IMMP2L: variants seen among roughly 807,000 people sequenced by gnomAD.
IMMP2L encodes the protein mitochondrial inner membrane protease subunit 2.
Under a neutral mutation model 19.3 loss-of-function variants are expected in IMMP2L, and 18 were observed. The ratio of observed to expected loss-of-function variants is 0.93; its 90% CI spans 0.64 to 1.38. The LOEUF is 1.38. Among genes scored for constraint, IMMP2L ranks in the 40% most tolerant of loss-of-function variants. The probability of loss-of-function intolerance (pLI) is 0.00; values close to 1 mark genes in which losing one functional copy is unlikely to be tolerated. For missense variants in IMMP2L, 233 were observed against 218.2 expected (o/e 1.07, Z -0.43); for synonymous variants, 76 against 73.0 (o/e 1.04, Z -0.21).
At chr7:110,929,674 A>G (rs533587710) in intron 4 of IMMP2L, among the ~76,000 whole-genome samples, 40 of 152,172 alleles carry the variant, frequency 2.6e-4, no homozygotes, top group Non-Finnish European at 5.6e-4. Context: ...TCAACAAGGT[A>G]CTCAACATCT....
chr7:111,452,094 T>G (rs1331888400), intron 3 of IMMP2L, among the ~76,000 whole-genome samples: 2 of 152,026 alleles, frequency 1.3e-5, no homozygotes, highest in African/African-American at 4.8e-5. Flanking sequence ...ACTTTAGACT[T>G]ATGTTTTTCT....
chr7:110,740,874 G>T (rs533503099), intron 5 of IMMP2L, among the ~76,000 whole-genome samples: 19 of 151,222 alleles, frequency 1.3e-4, no homozygotes, highest in South Asian at 8.3e-4. Context: ...TGCACATTCT[G>T]TACATGTAAC....
At chr7:110,949,206 C>A (rs979804849) in intron 4 of IMMP2L, among the ~76,000 whole-genome samples, 1 of 152,258 alleles carries the variant, frequency 6.6e-6, no homozygotes, top group South Asian at 2.1e-4. Flanking sequence ...TATATCTGTA[C>A]ATCATATATA....
intron 5 of IMMP2L, among the ~76,000 whole-genome samples, chr7:110,686,028 T>C (rs766223669): frequency 6.6e-6 from 1 of 152,134 alleles, no homozygotes; most frequent in Non-Finnish European, 1.5e-5. Flanking sequence ...AACACTGCAT[T>C]ATAAATGTTG....
intron 2 of IMMP2L, among the ~76,000 whole-genome samples, chr7:111,501,010 C>T (rs1315453390): frequency 1.3e-4 from 19 of 151,880 alleles, no homozygotes; most frequent in Admixed American, 2.0e-4. Flanking sequence ...AGGCTTCAGA[C>T]GATCAAACTA....
intron 3 of IMMP2L, among the ~76,000 whole-genome samples, chr7:111,107,726 C>G (rs1472233571): frequency 6.6e-6 from 1 of 152,034 alleles, no homozygotes; most frequent in Non-Finnish European, 1.5e-5. Flanking sequence ...TATTTCAGAT[C>G]TAGTGAGTAA....
At chr7:111,084,300 T>TAAAAAAAAAAAAAA (rs56331509) in intron 3 of IMMP2L, among the ~76,000 whole-genome samples, 1 of 128,938 alleles carries the variant, frequency 7.8e-6, no homozygotes, top group Non-Finnish European at 1.6e-5. Context: ...GAAATAAAAT[T>TAAAAAAAAAAAAAA]AAAAAAAAAA....
At chr7:110,690,172 G>C (rs1234486390) in intron 5 of IMMP2L, among the ~76,000 whole-genome samples, 1 of 152,142 alleles carries the variant, frequency 6.6e-6, no homozygotes, top group Non-Finnish European at 1.5e-5. Context: ...ATGACGCTGG[G>C]ACCTGTATCC....
chr7:110,937,462 GT>G (rs1283194951), intron 4 of IMMP2L, among the ~76,000 whole-genome samples: 15 of 152,158 alleles, frequency 9.9e-5, no homozygotes, highest in Non-Finnish European at 1.6e-4. Context: ...TCTGAAGGCA[GT>G]TTCCGGGTAC....
intron 5 of IMMP2L, among the ~76,000 whole-genome samples, chr7:110,723,622 G>C (rs899728415): frequency 4.0e-5 from 6 of 151,872 alleles, no homozygotes; most frequent in African/African-American, 1.5e-4. Context: ...CCATATGTGT[G>C]GTAAGATATC....
At chr7:110,669,302 C>T (rs1040709045) in intron 5 of IMMP2L, among the ~76,000 whole-genome samples, 1 of 152,086 alleles carries the variant, frequency 6.6e-6, no homozygotes, top group African/African-American at 2.4e-5. Context: ...CAGGTGAGGT[C>T]TGAAGACGAT....
intron 3 of IMMP2L, among the ~76,000 whole-genome samples, chr7:111,219,723 A>G (rs1006581000): frequency 1.4e-4 from 21 of 152,000 alleles, no homozygotes; most frequent in Non-Finnish European, 7.4e-5. Context: ...TTCAACTGCA[A>G]TAATTAAACA....
chr7:111,224,494 CT>C (rs1215322636), intron 3 of IMMP2L, among the ~76,000 whole-genome samples: 2 of 152,048 alleles, frequency 1.3e-5, no homozygotes, highest in African/African-American at 2.4e-5. Flanking sequence ...TAAATACCAT[CT>C]TCCAAAATTA....
At chr7:111,005,236 T>C (rs2129561992) in intron 3 of IMMP2L, among the ~76,000 whole-genome samples, 1 of 152,312 alleles carries the variant, frequency 6.6e-6, no homozygotes, top group East Asian at 1.9e-4. Flanking sequence ...CCACCCAGAA[T>C]GGCTGTCTGA....
chr7:110,997,778 G>A (rs930850730), intron 3 of IMMP2L, among the ~76,000 whole-genome samples: 35 of 151,786 alleles, frequency 2.3e-4, no homozygotes, highest in Admixed American at 1.3e-4. Flanking sequence ...TCAGATATGC[G>A]GTTTGCAAAT....
chr7:110,706,896 G>A (rs948159415), intron 5 of IMMP2L, among the ~76,000 whole-genome samples: 7 of 151,568 alleles, frequency 4.6e-5, no homozygotes, highest in African/African-American at 1.7e-4. Context: ...TTTTTTTGAG[G>A]ACTTGGTCAT....
intron 3 of IMMP2L, among the ~76,000 whole-genome samples, chr7:111,027,721 T>A (rs1826996607): frequency 6.6e-6 from 1 of 152,110 alleles, no homozygotes; most frequent in South Asian, 2.1e-4. Context: ...GTATCTACTA[T>A]GTACAGGGAA....
At chr7:110,852,434 G>A (rs1240038937) in intron 5 of IMMP2L, among the ~76,000 whole-genome samples, 21 of 152,004 alleles carry the variant, frequency 1.4e-4, no homozygotes. Context: ...CAACATGATG[G>A]CCAGAATGGT....
At chr7:111,098,938 C>A (rs913974309) in intron 3 of IMMP2L, among the ~76,000 whole-genome samples, 1 of 151,722 alleles carries the variant, frequency 6.6e-6, no homozygotes, top group African/African-American at 2.4e-5. Flanking sequence ...AGTTTCATAT[C>A]ATGCATTCTG....
Sources: allele counts gnomAD v4.1 joint callset (sites outside exome capture counted in the v4.1 genomes callset), GRCh38; gene constraint gnomAD v4.1.1; transcripts MANE v1.5; gene names NCBI Gene and HGNC (gene_info 2026-07-23, HGNC 2026-07-21).